The following GRM7 variants were observed in gnomAD, a reference collection of about 807,000 sequenced individuals.
GRM7 encodes metabotropic glutamate receptor 7.
A neutral mutation model predicts 84.5 loss-of-function variants in GRM7; 35 were observed. The observed-to-expected ratio is 0.41, with a 90% CI of 0.32 to 0.55. The LOEUF (loss-of-function observed/expected upper bound fraction) is 0.55. GRM7 is among the 20% of genes least tolerant of loss of function. The pLI, the probability that GRM7 is intolerant of heterozygous loss-of-function variation, is 0.19. For missense variants in GRM7, 1,003 were observed against 1,194.6 expected (o/e 0.84, Z 2.36); for synonymous variants, 487 against 455.1 (o/e 1.07, Z -0.89).
intron 4 of GRM7, among the ~76,000 whole-genome samples, chr3:7,312,710 T>G (rs1017133444): frequency 4.6e-5 from 7 of 152,008 alleles, no homozygotes; most frequent in African/African-American, 1.7e-4. Context: ...TCCTGACCAT[T>G]GGGATGGATG....
In GRM7 at chr3:7,124,364, G is replaced by T. The variant is rs1450174375; in HGVS notation, c.520-22088G>T. Among the ~76,000 whole-genome samples, 4 of 152,218 alleles carry T rather than the reference G, an allele frequency of 2.6e-5. No homozygotes were observed. The South Asian group carries it at 8.3e-4, about 32-fold the overall frequency. ...CTACTAAAAATACAAAAATTAGACA[G>T]GCATGGTGGCTCACGCTTGTAATCC... On this transcript the variant is annotated intron_variant, in intron 1 of 9. Coordinates refer to ENST00000357716, the MANE Select transcript of GRM7 (RefSeq NM_000844.4).
At chr3:7,569,301 A>G (rs2125044072) in intron 7 of GRM7, among the ~76,000 whole-genome samples, 1 of 152,028 alleles carries the variant, frequency 6.6e-6, no homozygotes, top group East Asian at 1.9e-4. Context: ...TGTCTAGCTC[A>G]GGGTTTGTGA....
intron 7 of GRM7, among the ~76,000 whole-genome samples, chr3:7,472,809 G>T (rs541481713): frequency 2.0e-5 from 3 of 152,058 alleles, no homozygotes; most frequent in Admixed American, 6.5e-5. Flanking sequence ...TAACTTAGTC[G>T]TGCTAACTAA....
At chr3:7,592,988 G>T (rs17666140) in intron 8 of GRM7, among the ~76,000 whole-genome samples, 24,812 of 152,134 alleles carry the variant, frequency 0.16, 2,280 homozygotes, top group Middle Eastern at 0.27. Context: ...CTCTTCCATG[G>T]ATAAGATAAT....
At chr3:7,103,186 T>C (rs577510218) in intron 1 of GRM7, among the ~76,000 whole-genome samples, 21 of 152,014 alleles carry the variant, frequency 1.4e-4, no homozygotes, top group African/African-American at 4.1e-4. Flanking sequence ...AGAATATTGC[T>C]TTTTGTCCTA....
chr3:7,443,159 A>G (rs1183737342), intron 5 of GRM7, among the ~76,000 whole-genome samples: 2 of 152,032 alleles, frequency 1.3e-5, no homozygotes, highest in Non-Finnish European at 2.9e-5. Flanking sequence ...GAGTAGTGTA[A>G]TGAATCACCA....
chr3:7,247,604 A>T (rs866868466), intron 2 of GRM7, among the ~76,000 whole-genome samples: 3,940 of 139,670 alleles, frequency 0.028, 154 homozygotes, highest in African/African-American at 0.11. Context: ...TTTTTTTTTA[A>T]AAAAAAAAAA....
chr3:6,991,356 C>T (rs186501346), intron 1 of GRM7, among the ~76,000 whole-genome samples: 1 of 152,184 alleles, frequency 6.6e-6, no homozygotes, highest in Non-Finnish European at 1.5e-5. Context: ...CTTTCAGCAA[C>T]CTTTGGACCT....
chr3:7,294,038 C>T (rs760394734), intron 2 of GRM7, among the ~76,000 whole-genome samples: 8 of 152,192 alleles, frequency 5.3e-5, no homozygotes, highest in Non-Finnish European at 1.0e-4. Context: ...CCCATTACCA[C>T]GTTAATAGCC....
At chr3:7,264,200 G>A (rs1340701185) in intron 2 of GRM7, among the ~76,000 whole-genome samples, 2 of 152,128 alleles carry the variant, frequency 1.3e-5, no homozygotes, top group African/African-American at 4.8e-5. Flanking sequence ...GACTGGTCCC[G>A]TCTCATGGGC....
intron 3 of GRM7, among the ~76,000 whole-genome samples, chr3:7,306,185 G>T (rs1499205): frequency 0.47 from 71,751 of 151,888 alleles, 18,624 homozygotes; most frequent in Non-Finnish European, 0.6. Flanking sequence ...AATGAATTTG[G>T]TATCTTTGTC....
At chr3:7,695,681 T>C (rs1372111683) in intron 9 of GRM7, among the ~76,000 whole-genome samples, 1 of 152,182 alleles carries the variant, frequency 6.6e-6, no homozygotes, top group East Asian at 1.9e-4. Flanking sequence ...TGTGGCCATG[T>C]TGCCTACTCT....
At chr3:6,982,815 AT>A (rs1305761732) in intron 1 of GRM7, among the ~76,000 whole-genome samples, 1 of 152,062 alleles carries the variant, frequency 6.6e-6, no homozygotes, top group Non-Finnish European at 1.5e-5. Context: ...TTAATACCTT[AT>A]TTTTTATTAT....
chr3:7,137,728 G>C (rs1451139613), intron 1 of GRM7, among the ~76,000 whole-genome samples: 1 of 95,222 alleles, frequency 1.1e-5, no homozygotes, highest in Non-Finnish European at 2.1e-5. Context: ...GCAGGTGGTG[G>C]TGGCCCAATA....
intron 1 of GRM7, among the ~76,000 whole-genome samples, chr3:6,877,735 TA>T (rs1196096190): frequency 6.6e-6 from 1 of 151,092 alleles, no homozygotes; most frequent in Non-Finnish European, 1.5e-5. Flanking sequence ...TTTCCTCAAT[TA>T]AAAAATTTTC....
At chr3:7,399,800 C>T (rs1459184511) in intron 4 of GRM7, among the ~76,000 whole-genome samples, 16 of 152,268 alleles carry the variant, frequency 1.1e-4, no homozygotes, top group South Asian at 2.1e-4. Context: ...ACCAGCTCCC[C>T]GTCCCTTCCT....
chr3:7,689,236 AATG>A lies in GRM7; in HGVS notation c.2698+8944_2698+8946del, dbSNP rs1700704331. ...ATTGTATTATTGACATCCATTATTG[AATG>A]ATATTATAAAAATCATATTGGTTTA... On this transcript the variant is annotated intron_variant, in intron 9 of 9. Coordinates refer to ENST00000357716, the MANE Select transcript of GRM7 (RefSeq NM_000844.4). Among the ~76,000 whole-genome samples the A allele has an allele frequency of 4.6e-5, 7 of 152,296 alleles. No homozygotes were observed. In the South Asian group the frequency reaches 1.5e-3, roughly 32 times the overall value.
At chr3:7,590,403 A>G (rs1695722775) in intron 8 of GRM7, among the ~76,000 whole-genome samples, 1 of 151,994 alleles carries the variant, frequency 6.6e-6, no homozygotes. Context: ...CCATTCATCT[A>G]CGTACTGCCT....
intron 1 of GRM7, among the ~76,000 whole-genome samples, chr3:7,009,990 C>T (rs374484228): frequency 6.6e-6 from 1 of 152,162 alleles, no homozygotes; most frequent in Non-Finnish European, 1.5e-5. Context: ...CTAAACTTGG[C>T]ATTAATAACA....
Sources: allele counts gnomAD v4.1 joint callset (sites outside exome capture counted in the v4.1 genomes callset), GRCh38; gene constraint gnomAD v4.1.1; transcripts MANE v1.5; gene names NCBI Gene and HGNC (gene_info 2026-07-23, HGNC 2026-07-21).